The following FBXO42 variants were observed in gnomAD, a reference collection of about 807,000 sequenced individuals.
FBXO42 encodes F-box only protein 42.
Under a neutral mutation model 71.7 loss-of-function variants are expected in FBXO42, and 12 were observed. The ratio of observed to expected loss-of-function variants is 0.17; its 90% CI spans 0.11 to 0.27. FBXO42 has a LOEUF of 0.27. FBXO42 is among the 10% of genes least tolerant of loss of function. The probability of loss-of-function intolerance (pLI) is 1.00; values close to 1 mark genes in which losing one functional copy is unlikely to be tolerated. For missense variants in FBXO42, 707 were observed against 911.9 expected (o/e 0.78, Z 2.89); for synonymous variants, 325 against 327.5 (o/e 0.99, Z 0.08).
At chr1:16,323,433 A>T (rs1413801358) in intron 1 of FBXO42, among the ~76,000 whole-genome samples, 1 of 151,996 alleles carries the variant, frequency 6.6e-6, no homozygotes, top group Non-Finnish European at 1.5e-5. Flanking sequence ...CAAACAAACA[A>T]ACAAAAAAAG....
chr1:16,285,805 C>A (rs540575472), intron 4 of FBXO42, among the ~76,000 whole-genome samples: 1 of 152,156 alleles, frequency 6.6e-6, no homozygotes, highest in Non-Finnish European at 1.5e-5. Context: ...TGCTCCTTTT[C>A]GAGTCCCCTG....
intron 7 of FBXO42, 126 bp from the exon 8 acceptor site, chr1:16,253,278 C>A: frequency 1.4e-6 from 1 of 716,028 alleles, no homozygotes; most frequent in Non-Finnish European, 2.3e-6. Context: ...ACCATAACCT[C>A]TCCATTCTCC....
intron 2 of FBXO42, 38 bp from the exon 3 acceptor site, chr1:16,305,957 T>A: frequency 7.6e-7 from 1 of 1,313,012 alleles, no homozygotes; most frequent in Non-Finnish European, 1.1e-6. Context: ...TCCAGACACT[T>A]AACTTATCCA....
chr1:16,267,340 C>T (rs951339663), intron 4 of FBXO42, among the ~76,000 whole-genome samples: 20 of 152,230 alleles, frequency 1.3e-4, no homozygotes, highest in Non-Finnish European at 5.9e-5. Context: ...AACCTCTAAA[C>T]TCCTGCTTCC....
intron 3 of FBXO42, among the ~76,000 whole-genome samples, chr1:16,296,610 AC>A (rs2082132527): frequency 6.8e-6 from 1 of 146,326 alleles, no homozygotes; most frequent in Non-Finnish European, 1.5e-5. Flanking sequence ...AGATTGCGCC[AC>A]TGCACTCCAG....
At chr1:16,350,304 C>A (rs2082687060) in intron 1 of FBXO42, among the ~76,000 whole-genome samples, 1 of 152,002 alleles carries the variant, frequency 6.6e-6, no homozygotes, top group South Asian at 2.1e-4. Flanking sequence ...TGTTTTACTG[C>A]ATTAATTTCA....
chr1:16,296,934 A>ACCCCCCCCC (rs1223134427), intron 3 of FBXO42, among the ~76,000 whole-genome samples: 1 of 59,324 alleles, frequency 1.7e-5, no homozygotes, highest in African/African-American at 6.3e-5. Flanking sequence ...CGCACCCCCC[A>ACCCCCCCCC]CCCCCCGCTT....
At chr1:16,345,847 CAAAAAAAAAA>C (rs34529034) in intron 1 of FBXO42, among the ~76,000 whole-genome samples, 1 of 117,434 alleles carries the variant, frequency 8.5e-6, no homozygotes, top group African/African-American at 3.4e-5. Context: ...GACTCCGTCT[CAAAAAAAAAA>C]AAAAAAAAGA....
intron 4 of FBXO42, among the ~76,000 whole-genome samples, chr1:16,257,960 C>T (rs1383468451): frequency 2.0e-5 from 3 of 152,126 alleles, no homozygotes; most frequent in Non-Finnish European, 4.4e-5. Context: ...GGATTACAGG[C>T]GTGAGCCACC....
At chr1:16,351,341 C>A (rs966860019) in intron 1 of FBXO42, among the ~76,000 whole-genome samples, 2 of 152,098 alleles carry the variant, frequency 1.3e-5, no homozygotes, top group African/African-American at 2.4e-5. Context: ...CAAAAAGGAA[C>A]AACATAGTTT....
chr1:16,299,408 T>C (rs1450733264), intron 3 of FBXO42, among the ~76,000 whole-genome samples: 2 of 152,152 alleles, frequency 1.3e-5, no homozygotes, highest in Non-Finnish European at 2.9e-5. Context: ...AATAGGGCAA[T>C]TGGCATTTTC....
chr1:16,277,569 A>C (rs1394110614), intron 4 of FBXO42, among the ~76,000 whole-genome samples: 1 of 151,560 alleles, frequency 6.6e-6, no homozygotes, highest in Non-Finnish European at 1.5e-5. Flanking sequence ...TACTAAAAAT[A>C]CAAAAACTAG....
intron 1 of FBXO42, among the ~76,000 whole-genome samples, chr1:16,340,928 T>C (rs1029756046): frequency 6.6e-6 from 1 of 152,164 alleles, no homozygotes; most frequent in African/African-American, 2.4e-5. Flanking sequence ...AGCCCAGCAC[T>C]TCTTCTATTG....
intron 2 of FBXO42, 35 bp downstream of exon 2, chr1:16,315,134 A>G: frequency 6.4e-7 from 1 of 1,553,244 alleles, no homozygotes; most frequent in Non-Finnish European, 8.7e-7. Context: ...TGAAATTTGA[A>G]ATCAATAAAT....
chr1:16,251,485 C>G lies in FBXO42; in HGVS notation c.1339G>C (p.Gly447Arg). Residue 447 changes from glycine (G) to arginine (R), a missense_variant, in exon 10 of 10, where the codon GGA becomes CGA. Physicochemically the swap from Gly to Arg is moderately radical, Grantham distance 125. This residue lies in a region of FBXO42 where 482 missense variants were observed against 587.1 expected (regional missense o/e 0.82). Transcript: ENST00000375592. This position sits in a 1 kb window ranked among gnomAD's most constrained non-coding sequence, Gnocchi z 4.5. ...PILNGGSLSP[G>R]TAAVGGSSLD... The stretch of plus-strand genomic sequence containing the variant: ...GAAGAGCCACCCACAGCTGCCGTTC[C>G]TGGAGACAAACTCCCACCATTGAGG... 6.2e-7 allele frequency: 1 copy of G among 1,614,178 alleles called. No individual in the cohort carries two copies. The highest frequency in any genetic ancestry group is 1.1e-5 in the South Asian group (1 of 91,082).
chr1:16,253,689 C>G lies in FBXO42; in HGVS notation c.810G>C (p.Trp270Cys). The G allele has an allele frequency of 6.2e-7, 1 of 1,614,192 alleles. No homozygotes were observed. The highest frequency in any genetic ancestry group is 8.5e-7 in the Non-Finnish European group (1 of 1,180,028). Residue 270 changes from tryptophan to cysteine, a missense_variant, in exon 7 of 10, where the codon TGG becomes TGC. Transcript: ENST00000375592. Reference sequence around the variant, plus strand: ...TGGGGCCAGAGATGTTCGGCTTGGACCACGCCCACTGCTCAAGGTCAAGGA... The same window carrying G: ...TGGGGCCAGAGATGTTCGGCTTGGAGCACGCCCACTGCTCAAGGTCAAGGA... ...VWVLDLEQWA[W>C]SKPNISGPSP...
chr1:16,339,438 G>C (rs1042553766), intron 1 of FBXO42, among the ~76,000 whole-genome samples: 2 of 151,934 alleles, frequency 1.3e-5, no homozygotes, highest in Admixed American at 6.6e-5. Flanking sequence ...TCAGCCTCCC[G>C]AGTAGCTGGG....
chr1:16,323,794 C>CAAAAAA (rs1158421632), intron 1 of FBXO42, among the ~76,000 whole-genome samples: 99 of 62,456 alleles, frequency 1.6e-3, no homozygotes, highest in Middle Eastern at 7.4e-3. Context: ...GACTCTGTCT[C>CAAAAAA]AAAAAAAAAA....
intron 6 of FBXO42, among the ~76,000 whole-genome samples, 186 bp downstream of exon 6, chr1:16,255,525 G>C (rs1176377539): frequency 6.6e-6 from 1 of 152,028 alleles, no homozygotes; most frequent in Non-Finnish European, 1.5e-5. Flanking sequence ...AGTAGAGATG[G>C]GGCTTCGCCA....
Sources: allele counts gnomAD v4.1 joint callset (sites outside exome capture counted in the v4.1 genomes callset), GRCh38; gene constraint gnomAD v4.1.1; regional missense constraint gnomAD v4.1.1; non-coding constraint Gnocchi (gnomAD v3.1); transcripts MANE v1.5; gene names NCBI Gene and HGNC (gene_info 2026-07-23, HGNC 2026-07-21).